The following XIRP2 variants were observed in gnomAD, a reference collection of about 807,000 sequenced individuals.
XIRP2 encodes xin actin-binding repeat-containing protein 2.
Under a neutral mutation model 277.0 loss-of-function variants are expected in XIRP2, and 236 were observed. That is an observed-to-expected ratio of 0.85 (90% CI 0.77 to 0.95). XIRP2 has a LOEUF of 0.95. Ranked by LOEUF, XIRP2 falls within the 40% of genes least tolerant of loss-of-function variation. The probability of loss-of-function intolerance (pLI) is 0.00; values close to 1 mark genes in which losing one functional copy is unlikely to be tolerated. For synonymous variants in XIRP2, 1,490 were observed against 1,416.5 expected, an observed-to-expected ratio of 1.05 and a Z score of -1.17; for missense variants, 4,640 against 4,157.5, an observed-to-expected ratio of 1.12 and a Z score of -3.19.
intron 2 of XIRP2, among the ~76,000 whole-genome samples, chr2:166,912,796 C>T (rs1684747687): frequency 6.6e-6 from 1 of 152,074 alleles, no homozygotes; most frequent in Non-Finnish European, 1.5e-5. Flanking sequence ...TGTGGATGTC[C>T]TTTCTGTTTG....
chr2:167,181,685 G>A (rs957700271), intron 3 of XIRP2, among the ~76,000 whole-genome samples: 3 of 151,902 alleles, frequency 2.0e-5, no homozygotes, highest in Non-Finnish European at 4.4e-5. Flanking sequence ...ATTCATTCCT[G>A]TCTTTATTGT....
chr2:167,053,792 C>G (rs1298498593), intron 2 of XIRP2, among the ~76,000 whole-genome samples: 1 of 152,124 alleles, frequency 6.6e-6, no homozygotes, highest in Non-Finnish European at 1.5e-5. Flanking sequence ...TTACATTCCT[C>G]TTAGTTCTCA....
intron 2 of XIRP2, among the ~76,000 whole-genome samples, chr2:166,981,425 T>C (rs1170805090): frequency 4.0e-5 from 6 of 150,326 alleles, no homozygotes; most frequent in Admixed American, 1.3e-4. Flanking sequence ...CTGCTCTTCT[T>C]CTTTTTTTTT....
In XIRP2 at chr2:167,246,298, A is replaced by G. The variant is rs769288323; in HGVS notation, c.4906A>G (p.Thr1636Ala). The G allele has an allele frequency of 6.8e-6, 11 of 1,613,266 alleles. No individual in the cohort carries two copies. The highest frequency in any genetic ancestry group is 6.7e-5 in the African/African-American group (5 of 74,878). Residue 1636 changes from threonine to alanine, a missense_variant, in exon 9 of 11, where the codon ACT becomes GCT. Transcript: ENST00000409195. ...AGAAGAGAAGGGAAATGTTAATTTG[A>G]CTAAAACTCAATTATTAAACAGATC... ...SEEEKGNVNLTKTQLLNRSTE... is the reference protein window; with the variant it reads ...SEEEKGNVNLAKTQLLNRSTE...
At position 166,903,900 on chromosome 2, in the gene XIRP2, C is replaced by T. The variant is rs762323699; in HGVS notation, c.408+10C>T. On this transcript the variant is annotated intron_variant, in intron 2 of 10. Transcript: ENST00000409195. Reference sequence around the variant, plus strand: ...TGAGTACGGTGGAAAGGTAAGGAGCCATTGATTGAGAGTCTATGTTTACAT... The same window carrying T: ...TGAGTACGGTGGAAAGGTAAGGAGCTATTGATTGAGAGTCTATGTTTACAT... The T allele has an allele frequency of 3.1e-6, 5 of 1,606,352 alleles. No homozygotes were observed. Among genetic ancestry groups the T allele is most frequent in the Non-Finnish European group, 4.3e-6 (5 of 1,174,590 alleles).
At chr2:167,032,718 GAAATGCAAATCAAAACC>G (rs1279147524) in intron 2 of XIRP2, among the ~76,000 whole-genome samples, 1 of 152,130 alleles carries the variant, frequency 6.6e-6, no homozygotes, top group Non-Finnish European at 1.5e-5. Flanking sequence ...TGATATTAGA[GAAATGCAAATCAAAACC>G]CCAATGAGAT....
chr2:167,010,016 G>T (rs1687621055), intron 2 of XIRP2, among the ~76,000 whole-genome samples: 1 of 151,962 alleles, frequency 6.6e-6, no homozygotes, highest in South Asian at 2.1e-4. Context: ...TTTGTAGGTT[G>T]CCTGTTCACG....
intron 2 of XIRP2, among the ~76,000 whole-genome samples, chr2:167,019,899 C>A (rs1424467631): frequency 6.6e-6 from 1 of 151,976 alleles, no homozygotes; most frequent in Non-Finnish European, 1.5e-5. Flanking sequence ...ATTTGTACTG[C>A]CAGTCTAAGT....
chr2:167,009,610 T>C (rs1015132786), intron 2 of XIRP2, among the ~76,000 whole-genome samples: 15 of 152,172 alleles, frequency 9.9e-5, no homozygotes, highest in Middle Eastern at 3.4e-3. Context: ...AAATGGTATT[T>C]CTAGTTCTAG....
chr2:167,009,012 T>C (rs1310745385), intron 2 of XIRP2, among the ~76,000 whole-genome samples: 3 of 151,462 alleles, frequency 2.0e-5, no homozygotes, highest in Admixed American at 6.6e-5. Flanking sequence ...ATTTCTTTTA[T>C]ATTAGCCACT....
At chr2:167,214,140 A>AGGAAGGAG (rs1694155206) in intron 4 of XIRP2, among the ~76,000 whole-genome samples, 1 of 108,390 alleles carries the variant, frequency 9.2e-6, no homozygotes, top group Non-Finnish European at 1.8e-5. Flanking sequence ...GAAGGAAGCA[A>AGGAAGGAG]AGAGAAAGAG....
In XIRP2 at chr2:167,210,842, G is replaced by A. The variant is rs1383839118; in HGVS notation, c.670G>A (p.Ala224Thr). ...AGTGGTCTCCCTGAAGGAGCGGATGGCGAGGTACCAGGCAGCTGTTTCCAG... is the reference window on the plus strand; with the variant it reads ...AGTGGTCTCCCTGAAGGAGCGGATGACGAGGTACCAGGCAGCTGTTTCCAG... ...HEVVSLKERM[A>T]RYQAAVSRGD... Residue 224 changes from alanine (A) to threonine (T), a missense_variant, in exon 4 of 11, where the codon GCG becomes ACG. Coordinates refer to ENST00000409195, the MANE Select transcript of XIRP2 (RefSeq NM_152381.6). 6.2e-7 allele frequency: 1 copy of A among 1,614,042 alleles called. No individual in the cohort carries two copies. The highest frequency in any genetic ancestry group is 8.5e-7 in the Non-Finnish European group (1 of 1,180,030).
At chr2:167,252,492 A>T (rs1695543120) in intron 9 of XIRP2, among the ~76,000 whole-genome samples, 1 of 151,950 alleles carries the variant, frequency 6.6e-6, no homozygotes, top group Admixed American at 6.6e-5. Context: ...ACTGAGTTGG[A>T]TAGAGTTAGT....
chr2:166,964,947 T>C (rs1057118381), intron 2 of XIRP2, among the ~76,000 whole-genome samples: 1 of 151,780 alleles, frequency 6.6e-6, no homozygotes, highest in African/African-American at 2.4e-5. Flanking sequence ...TCATCACAGG[T>C]CAGCTTAGAG....
chr2:166,943,863 C>T (rs1685785694), intron 2 of XIRP2, among the ~76,000 whole-genome samples: 1 of 152,174 alleles, frequency 6.6e-6, no homozygotes, highest in Non-Finnish European at 1.5e-5. Flanking sequence ...TGATTTTCCT[C>T]TAGAGTACAG....
intron 2 of XIRP2, among the ~76,000 whole-genome samples, chr2:167,133,590 A>G (rs1691447396): frequency 6.6e-6 from 1 of 152,206 alleles, no homozygotes; most frequent in Non-Finnish European, 1.5e-5. Flanking sequence ...TTATTCCTTA[A>G]TATCATCAGT....
At chr2:167,207,238 T>A (rs534536343) in intron 3 of XIRP2, among the ~76,000 whole-genome samples, 2 of 152,212 alleles carry the variant, frequency 1.3e-5, no homozygotes, top group Admixed American at 6.5e-5. Flanking sequence ...ACAGCTAGTT[T>A]AGGATGGTTC....
In XIRP2 at chr2:167,247,069, G is replaced by C; in HGVS notation, c.5677G>C (p.Gly1893Arg). 1 of 1,612,414 alleles carries C rather than the reference G, an allele frequency of 6.2e-7. No individual in the cohort carries two copies. Among genetic ancestry groups the C allele is most frequent in the Non-Finnish European group, 8.5e-7 (1 of 1,179,502 alleles). ...ATCTAAACAGCCTGATGCCATCCCT[G>C]GTGATATTGAAAAAGCTATTGAATG... Reference protein sequence around the residue: ...KESKQPDAIPGDIEKAIECLE... With the variant: ...KESKQPDAIPRDIEKAIECLE... Residue 1893 changes from glycine (G) to arginine (R), a missense_variant, in exon 9 of 11, where the codon GGT (glycine) becomes CGT (arginine). Gly to Arg is a moderately radical substitution (Grantham distance 125). Transcript: ENST00000409195.
At chr2:166,927,115 T>A (rs1484515004) in intron 2 of XIRP2, among the ~76,000 whole-genome samples, 1 of 152,132 alleles carries the variant, frequency 6.6e-6, no homozygotes, top group African/African-American at 2.4e-5. Flanking sequence ...TTAGTTTTTC[T>A]CTGTGTTCCA....
Sources: allele counts gnomAD v4.1 joint callset (sites outside exome capture counted in the v4.1 genomes callset), GRCh38; gene constraint gnomAD v4.1.1; transcripts MANE v1.5; gene names NCBI Gene and HGNC (gene_info 2026-07-23, HGNC 2026-07-21).